INO80D: variants seen among roughly 807,000 people sequenced by gnomAD.
The protein encoded by INO80D is INO80 complex subunit D.
Under a neutral mutation model 87.6 loss-of-function variants are expected in INO80D, and 21 were observed. That is an observed-to-expected ratio of 0.24 (90% CI 0.17 to 0.35). The LOEUF (loss-of-function observed/expected upper bound fraction) is 0.35. Among genes scored for constraint, INO80D ranks in the 10% least tolerant of loss-of-function variants. INO80D has a pLI of 1.00. For missense variants in INO80D, 982 were observed against 1,280.7 expected (o/e 0.77, Z 3.56); for synonymous variants, 440 against 491.0 (o/e 0.90, Z 1.37).
intron 4 of INO80D, among the ~76,000 whole-genome samples, chr2:206,053,189 GA>G (rs1413519935): frequency 2.6e-5 from 4 of 150,990 alleles, no homozygotes; most frequent in South Asian, 4.2e-4. Context: ...TCTATTTGAA[GA>G]AAAAAAGATG....
At chr2:206,051,267 T>C (rs1198061995) in intron 4 of INO80D, among the ~76,000 whole-genome samples, 1 of 151,958 alleles carries the variant, frequency 6.6e-6, no homozygotes, top group Non-Finnish European at 1.5e-5. Context: ...CTCAGCTCTG[T>C]CGCAGTGGCA....
At chr2:206,081,508 T>G (rs1033528982) in intron 1 of INO80D, among the ~76,000 whole-genome samples, 1 of 152,004 alleles carries the variant, frequency 6.6e-6, no homozygotes, top group Non-Finnish European at 1.5e-5. Context: ...ATCCCAGCAC[T>G]TGGAAAGACT....
intron 5 of INO80D, among the ~76,000 whole-genome samples, chr2:206,042,115 G>C (rs1689066081): frequency 1.3e-5 from 2 of 152,132 alleles, no homozygotes; most frequent in Non-Finnish European, 2.9e-5. Context: ...CTGGATGACA[G>C]AGTGAAACCT....
chr2:206,006,329 T>G (rs1267294949), intron 10 of INO80D, among the ~76,000 whole-genome samples: 1 of 152,208 alleles, frequency 6.6e-6, no homozygotes. Context: ...TTTGGAAAAG[T>G]GCACTTCAGT....
At chr2:206,080,964 A>C (rs1690266668) in intron 1 of INO80D, among the ~76,000 whole-genome samples, 1 of 151,396 alleles carries the variant, frequency 6.6e-6, no homozygotes, top group Non-Finnish European at 1.5e-5. Context: ...TAGAAAAGTT[A>C]TGCACCAGAA....
chr2:206,074,462 A>T (rs1337561548), intron 1 of INO80D, among the ~76,000 whole-genome samples: 2 of 152,072 alleles, frequency 1.3e-5, no homozygotes, highest in East Asian at 3.9e-4. Flanking sequence ...AACACACAAA[A>T]ATTAGCCGGG....
At chr2:206,049,912 A>C (rs1268026257) in intron 4 of INO80D, among the ~76,000 whole-genome samples, 1 of 152,096 alleles carries the variant, frequency 6.6e-6, no homozygotes, top group Non-Finnish European at 1.5e-5. Flanking sequence ...CGGGTGGATC[A>C]CCTGAGGTCA....
chr2:206,013,424 C>T (rs988103098), intron 8 of INO80D, among the ~76,000 whole-genome samples: 2 of 151,946 alleles, frequency 1.3e-5, no homozygotes, highest in Admixed American at 1.3e-4. Context: ...TGGTGGCAGG[C>T]ACCTGTAGTC....
chr2:206,072,347 G>C (rs780141288), intron 1 of INO80D, among the ~76,000 whole-genome samples: 13 of 151,930 alleles, frequency 8.6e-5, no homozygotes, highest in Non-Finnish European at 4.4e-5. Context: ...TACAATCTCA[G>C]CTCAGTGCAA....
intron 1 of INO80D, among the ~76,000 whole-genome samples, chr2:206,064,599 G>A (rs531372451): frequency 1.3e-5 from 2 of 152,236 alleles, no homozygotes; most frequent in African/African-American, 4.8e-5. Flanking sequence ...GTAAAACAGG[G>A]ATAATAATAG....
In INO80D at chr2:206,007,440, T is replaced by C. The variant is rs1369426696; in HGVS notation, c.1762A>G (p.Ser588Gly). The change falls in exon 10 of 11, where the codon AGC becomes GGC. Residue 588 changes from serine to glycine, a missense_variant and splice_region_variant. By Grantham distance (56) the Ser-to-Gly change is moderately conservative. Transcript: ENST00000403263. The part of the protein sequence containing the change: ...SLPVEASHIR[S>G]PSTPELSADE... ...GCACTCAGCTCTGGCGTGGATGGGC[T>C]CCTGGGAAAGAGGACACTGTTGGTC... is the stretch of plus-strand genomic sequence containing the variant. 4 of 1,607,492 alleles carry C rather than the reference T, an allele frequency of 2.5e-6. No homozygotes were observed. The highest frequency in any genetic ancestry group is 3.4e-6 in the Non-Finnish European group (4 of 1,177,422).
At chr2:206,049,558 A>C (rs2105870370) in intron 4 of INO80D, among the ~76,000 whole-genome samples, 1 of 152,318 alleles carries the variant, frequency 6.6e-6, no homozygotes, top group East Asian at 1.9e-4. Context: ...CTAAGACGGA[A>C]GTGTTTTTCC....
chr2:206,031,618 C>T (rs896880468), intron 5 of INO80D, among the ~76,000 whole-genome samples: 1 of 152,176 alleles, frequency 6.6e-6, no homozygotes, highest in Non-Finnish European at 1.5e-5. Context: ...CTTGCGGGTG[C>T]CCCAGATGGC....
chr2:206,013,381 A>G (rs895988904), intron 8 of INO80D, among the ~76,000 whole-genome samples: 1 of 151,922 alleles, frequency 6.6e-6, no homozygotes, highest in African/African-American at 2.4e-5. Flanking sequence ...GTGAAACCTC[A>G]TCTCTACTAA....
intron 10 of INO80D, among the ~76,000 whole-genome samples, chr2:206,006,818 G>T (rs13426463): frequency 6.6e-6 from 1 of 151,968 alleles, no homozygotes; most frequent in Non-Finnish European, 1.5e-5. Context: ...AGGCCAAGGC[G>T]GGTGGATCAC....
At chr2:206,044,481 T>TAAAAAAAAA (rs55925923) in intron 5 of INO80D, among the ~76,000 whole-genome samples, 1 of 112,522 alleles carries the variant, frequency 8.9e-6, no homozygotes, top group African/African-American at 3.3e-5. Context: ...AAATACCTGT[T>TAAAAAAAAA]AAAAAAAAAA....
At chr2:206,075,438 ATT>A (rs34758946) in intron 1 of INO80D, among the ~76,000 whole-genome samples, 7 of 144,506 alleles carry the variant, frequency 4.8e-5, no homozygotes, top group African/African-American at 7.6e-5. Flanking sequence ...ATACCTTATA[ATT>A]TTTTTTTTTT....
intron 6 of INO80D, among the ~76,000 whole-genome samples, chr2:206,021,642 T>G (rs1033540901): frequency 6.6e-6 from 1 of 152,170 alleles, no homozygotes; most frequent in Non-Finnish European, 1.5e-5. Flanking sequence ...GAGACGGAGT[T>G]TTGCTTGTTG....
chr2:206,064,810 G>A (rs1689771408), intron 1 of INO80D, among the ~76,000 whole-genome samples: 1 of 140,248 alleles, frequency 7.1e-6, no homozygotes, highest in Non-Finnish European at 1.6e-5. Flanking sequence ...TTCACTTACT[G>A]TAGTAGGAAA....
Sources: gnomAD v4.1 joint callset for allele counts (sites outside exome capture counted in the v4.1 genomes callset) on GRCh38, gnomAD v4.1.1 for gene constraint, MANE v1.5 for transcripts, NCBI Gene and HGNC (gene_info 2026-07-23, HGNC 2026-07-21) for gene names.